The following CNOT10 variants were observed in gnomAD, a reference collection of about 807,000 sequenced individuals.
CNOT10 encodes CCR4-NOT transcription complex, subunit 10.
In CNOT10, 30 loss-of-function variants were observed where a neutral mutation model predicts 94.6. That is an observed-to-expected ratio of 0.32 (90% CI 0.24 to 0.43). CNOT10 has a LOEUF of 0.43. CNOT10 is among the 20% of genes least tolerant of loss of function. CNOT10 has a pLI of 1.00. For synonymous variants in CNOT10, 289 were observed against 301.6 expected (o/e 0.96, Z 0.43); for missense variants, 759 against 877.2 (o/e 0.87, Z 1.70).
At position 32,699,121 on chromosome 3, in the gene CNOT10, G is replaced by A. The variant is rs530067795; in HGVS notation, c.23-4747G>A. On this transcript the variant is annotated intron_variant, in intron 1 of 18. Transcript: ENST00000328834. ...TCTTTGAGATGCTCCTGTTGTCTAG[G>A]CAGTTATCAAAAAGTGCCCAGATCA... Among the ~76,000 whole-genome samples the A allele has an allele frequency of 4.3e-4, 65 of 152,240 alleles. 1 individual carries two copies. The South Asian group carries it at 0.013, about 31-fold the overall frequency.
At chr3:32,697,303 A>T (rs1697119852) in intron 1 of CNOT10, among the ~76,000 whole-genome samples, 1 of 152,064 alleles carries the variant, frequency 6.6e-6, no homozygotes. Flanking sequence ...GAACTACTCT[A>T]CTTTTAGTGG....
chr3:32,701,298 C>T (rs1697335353), intron 1 of CNOT10, among the ~76,000 whole-genome samples: 2 of 151,902 alleles, frequency 1.3e-5, no homozygotes, highest in South Asian at 4.2e-4. Flanking sequence ...ATATAGTATT[C>T]TTGCCAGAAA....
At chr3:32,745,766 A>C (rs1014042659) in intron 13 of CNOT10, among the ~76,000 whole-genome samples, 1 of 152,366 alleles carries the variant, frequency 6.6e-6, no homozygotes, top group African/African-American at 2.4e-5. Context: ...TGGGAGGTCC[A>C]GGCAGGCAAA....
chr3:32,708,081 T>C (rs1697707546), intron 3 of CNOT10, among the ~76,000 whole-genome samples: 1 of 151,986 alleles, frequency 6.6e-6, no homozygotes, highest in Non-Finnish European at 1.5e-5. Flanking sequence ...GTATTTTTAG[T>C]AGAGACGGGG....
intron 8 of CNOT10, among the ~76,000 whole-genome samples, chr3:32,724,055 G>A (rs1441094290): frequency 6.6e-6 from 1 of 152,052 alleles, no homozygotes; most frequent in Non-Finnish European, 1.5e-5. Flanking sequence ...ACTGTAGGCT[G>A]GGCGATGGAA....
intron 1 of CNOT10, among the ~76,000 whole-genome samples, chr3:32,690,047 G>T (rs910374533): frequency 2.0e-5 from 3 of 152,198 alleles, no homozygotes; most frequent in African/African-American, 7.2e-5. Context: ...TCAGGAGTTG[G>T]TGTATGTTGG....
intron 1 of CNOT10, among the ~76,000 whole-genome samples, chr3:32,686,554 T>C (rs1696609129): frequency 1.3e-5 from 2 of 152,054 alleles, no homozygotes; most frequent in Admixed American, 6.6e-5. Context: ...TGCTGTGAAA[T>C]TTTGGATAGG....
At chr3:32,721,759 G>C (rs1698425378) in intron 8 of CNOT10, among the ~76,000 whole-genome samples, 1 of 149,216 alleles carries the variant, frequency 6.7e-6, no homozygotes. Flanking sequence ...ACATTCTCCT[G>C]CCTCAGCCTC....
At chr3:32,756,923 T>G (rs906889365) in intron 13 of CNOT10, among the ~76,000 whole-genome samples, 2 of 151,492 alleles carry the variant, frequency 1.3e-5, no homozygotes, top group Non-Finnish European at 2.9e-5. Flanking sequence ...GCCAACATAG[T>G]GAAACCCCAT....
intron 13 of CNOT10, among the ~76,000 whole-genome samples, chr3:32,745,044 A>C (rs1031242413): frequency 9.2e-5 from 14 of 151,850 alleles, no homozygotes; most frequent in Non-Finnish European, 4.4e-5. Flanking sequence ...ATGCCTGGCT[A>C]ATTTTTGTAT....
At chr3:32,754,489 A>AAAAAAAAAT (rs77878221) in intron 13 of CNOT10, among the ~76,000 whole-genome samples, 3 of 70,214 alleles carry the variant, frequency 4.3e-5, no homozygotes, top group Admixed American at 2.3e-4. Flanking sequence ...AAAAAAAAAA[A>AAAAAAAAAT]ATACATATAT....
At chr3:32,705,559 GTTC>G (rs1697582616) in intron 3 of CNOT10, among the ~76,000 whole-genome samples, 1 of 152,120 alleles carries the variant, frequency 6.6e-6, no homozygotes, top group Non-Finnish European at 1.5e-5. Flanking sequence ...TTCTCAGCTT[GTTC>G]TTCTCAGTAG....
chr3:32,726,499 C>T (rs1416163142), intron 9 of CNOT10, among the ~76,000 whole-genome samples: 1 of 151,910 alleles, frequency 6.6e-6, no homozygotes, highest in Non-Finnish European at 1.5e-5. Flanking sequence ...TCGAGACCAT[C>T]CTGGCTAGCA....
intron 10 of CNOT10, among the ~76,000 whole-genome samples, 156 bp from the exon 11 acceptor site, chr3:32,733,267 C>T (rs1430369718): frequency 6.6e-6 from 1 of 152,152 alleles, no homozygotes; most frequent in Non-Finnish European, 1.5e-5. Context: ...ACTTTTTCCA[C>T]TAATACCAAA....
At chr3:32,724,805 C>T (rs112760223) in intron 8 of CNOT10, among the ~76,000 whole-genome samples, 5,948 of 151,828 alleles carry the variant, frequency 0.039, 183 homozygotes, top group African/African-American at 0.079. Flanking sequence ...GTGATCCACC[C>T]GCCTCAGCCT....
chr3:32,725,060 A>T (rs1426619105), intron 8 of CNOT10, among the ~76,000 whole-genome samples: 1 of 151,456 alleles, frequency 6.6e-6, no homozygotes, highest in Non-Finnish European at 1.5e-5. Flanking sequence ...TTAGCTGGGC[A>T]TGGTGGCTCA....
At chr3:32,738,928 G>A (rs1242890173) in intron 13 of CNOT10, among the ~76,000 whole-genome samples, 1 of 127,054 alleles carries the variant, frequency 7.9e-6, no homozygotes, top group Non-Finnish European at 1.7e-5. Context: ...TTTTTGAGTT[G>A]GAGTTTTACT....
rs140420375 is a variant in CNOT10, at chr3:32,734,868, T to C, written c.1406T>C (p.Leu469Ser). The change falls in exon 12 of 19, where the codon TTG becomes TCG. Residue 469 changes from leucine to serine, a missense_variant. By Grantham distance (145) the Leu-to-Ser change is moderately radical. This residue lies in a region of CNOT10 where 682 missense variants were observed against 799.4 expected (regional missense o/e 0.85). Coordinates refer to ENST00000328834, the MANE Select transcript of CNOT10 (RefSeq NM_015442.3). ...EFAAICLRNA[L>S]LLLPEEQQDP... Reference sequence around the variant, plus strand: ...GCAGCCATATGTCTCAGAAATGCCTTGTTGCTGCTACCTGAAGAACAGCAA... The same window carrying C: ...GCAGCCATATGTCTCAGAAATGCCTCGTTGCTGCTACCTGAAGAACAGCAA... 190 of 1,613,970 alleles carry C rather than the reference T, an allele frequency of 1.2e-4. No individual in the cohort carries two copies. Among genetic ancestry groups the C allele is most frequent in the Non-Finnish European group, 1.1e-4 (130 of 1,179,978 alleles).
chr3:32,685,286 C>T lies in CNOT10; in HGVS notation c.-175C>T. ...TGTTGCTGTTGCTAGACGACGGGAA[C>T]TAGCTCTCGTCACTTCCTCAGCCCG... is the stretch of plus-strand genomic sequence containing the variant. On this transcript the variant is annotated 5_prime_UTR_variant, in exon 1 of 19. Transcript: ENST00000328834. The T allele has an allele frequency of 1.6e-6, 1 of 625,328 alleles. No individual in the cohort carries two copies. Among genetic ancestry groups the T allele is most frequent in the Non-Finnish European group, 2.8e-6 (1 of 358,314 alleles). The allele number at this position is 625,328 out of a possible 1,614,324, so 38.7% of individuals were successfully genotyped here. A position where few individuals can be genotyped will look rare whatever the true frequency, so the allele number is the denominator to read the frequency against.
Sources: gnomAD v4.1 joint callset for allele counts (sites outside exome capture counted in the v4.1 genomes callset) on GRCh38, gnomAD v4.1.1 for gene constraint, gnomAD v4.1.1 regional missense constraint, MANE v1.5 for transcripts, NCBI Gene and HGNC (gene_info 2026-07-23, HGNC 2026-07-21) for gene names.